Variants in KIAA0586 observed in about 807,000 individuals in gnomAD.
KIAA0586 encodes protein TALPID3.
KIAA0586 carries 144 observed loss-of-function variants against 169.8 expected under a neutral mutation model. The ratio of observed to expected loss-of-function variants is 0.85; its 90% CI spans 0.74 to 0.97. KIAA0586 has a LOEUF of 0.97. KIAA0586 is among the 50% of genes least tolerant of loss of function. The pLI, the probability that KIAA0586 is intolerant of heterozygous loss-of-function variation, is 0.00. For missense variants in KIAA0586, 1,854 were observed against 1,823.0 expected, an observed-to-expected ratio of 1.02 and a Z score of -0.31; for synonymous variants, 625 against 612.4, an observed-to-expected ratio of 1.02 and a Z score of -0.30.
chr14:58,479,103 A>G (rs974902912), intron 20 of KIAA0586, among the ~76,000 whole-genome samples: 5 of 152,206 alleles, frequency 3.3e-5, no homozygotes, highest in Admixed American at 2.6e-4. Context: ...ACTGCTAAAC[A>G]TTTCCAAAAG....
At chr14:58,482,848 C>A in intron 21 of KIAA0586, 136 bp downstream of exon 21, 1 of 629,910 alleles carries the variant, frequency 1.6e-6, no homozygotes, top group Non-Finnish European at 2.4e-6. Flanking sequence ...ATTGCCCTGG[C>A]TGGTCTTGAA....
downstream of KIAA0586, among the ~76,000 whole-genome samples, chr14:58,552,373 G>C (rs180822253): frequency 2.6e-5 from 4 of 152,058 alleles, no homozygotes; most frequent in Admixed American, 2.6e-4. Flanking sequence ...TTCTTGTCCT[G>C]AAGTGTTTAC....
At chr14:58,449,985 T>G (rs894589638) in intron 7 of KIAA0586, among the ~76,000 whole-genome samples, 1 of 152,184 alleles carries the variant, frequency 6.6e-6, no homozygotes, top group Admixed American at 6.5e-5. Context: ...TTTATACAAC[T>G]TTTTTACTAG....
chr14:58,463,509 T>C (rs545549426), intron 14 of KIAA0586, among the ~76,000 whole-genome samples: 322 of 152,278 alleles, frequency 2.1e-3, no homozygotes, highest in African/African-American at 7.1e-3. Context: ...CAATTTTTCT[T>C]CCTGGGGTCA....
intron 7 of KIAA0586, among the ~76,000 whole-genome samples, chr14:58,450,194 TTTATG>T (rs2039246094): frequency 6.6e-6 from 1 of 152,222 alleles, no homozygotes; most frequent in African/African-American, 2.4e-5. Context: ...TTTTCTTTCT[TTTATG>T]TTATTTCCTT....
At chr14:58,432,228 T>C (rs940093595) in intron 3 of KIAA0586, among the ~76,000 whole-genome samples, 160 bp from the exon 4 acceptor site, 4 of 152,220 alleles carry the variant, frequency 2.6e-5, no homozygotes, top group Non-Finnish European at 5.9e-5. Context: ...ATTATATTAT[T>C]ACTTAATCAC....
chr14:58,522,681 G>A (rs1277917684), intron 29 of KIAA0586, among the ~76,000 whole-genome samples: 1 of 152,146 alleles, frequency 6.6e-6, no homozygotes, highest in Non-Finnish European at 1.5e-5. Flanking sequence ...TAGTTGAGAA[G>A]AATAATTTCT....
intron 27 of KIAA0586, 91 bp downstream of exon 27, chr14:58,499,051 C>A: frequency 1.7e-6 from 2 of 1,149,672 alleles, no homozygotes; most frequent in Non-Finnish European, 2.4e-6. Context: ...TAGGGGCTTG[C>A]AAAATTTCTT....
chr14:58,520,021 A>T (rs2045079132), intron 29 of KIAA0586, among the ~76,000 whole-genome samples: 1 of 152,172 alleles, frequency 6.6e-6, no homozygotes, highest in South Asian at 2.1e-4. Context: ...GTATTAACAT[A>T]CATTTTTATT....
At chr14:58,520,018 C>A (rs1258181135) in intron 29 of KIAA0586, among the ~76,000 whole-genome samples, 1 of 152,100 alleles carries the variant, frequency 6.6e-6, no homozygotes, top group Non-Finnish European at 1.5e-5. Flanking sequence ...ATAGTATTAA[C>A]ATACATTTTT....
chr14:58,485,849 A>T (rs372993639), intron 21 of KIAA0586, among the ~76,000 whole-genome samples: 1 of 152,082 alleles, frequency 6.6e-6, no homozygotes, highest in Non-Finnish European at 1.5e-5. Context: ...GTGTGCAAAA[A>T]GGCTGATTTT....
chr14:58,466,023 C>A lies in KIAA0586; in HGVS notation c.2248C>A (p.Leu750Ile), dbSNP rs1164700569. The stretch of plus-strand genomic sequence containing the variant: ...AGGTCATCTGATTCCTATGGCAATT[C>A]TTTTAGGTAAGAATCAACAAAATAT... The part of the protein sequence containing the change: ...LEGHLIPMAI[L>I]LGQTQSNSDT... The change falls in exon 15 of 31, where the codon CTT (leucine) becomes ATT (isoleucine). Residue 750 changes from leucine (L) to isoleucine (I), a missense_variant. Transcript: ENST00000652326. 1.3e-6 allele frequency: 2 copies of A among 1,593,326 alleles called. No individual in the cohort carries two copies. Among genetic ancestry groups the A allele is most frequent in the Non-Finnish European group, 1.7e-6 (2 of 1,169,136 alleles).
chr14:58,526,381 T>C, intron 29 of KIAA0586, among the ~76,000 whole-genome samples: 1 of 152,172 alleles, frequency 6.6e-6, no homozygotes, highest in East Asian at 1.9e-4. Flanking sequence ...CAATCTTTGC[T>C]GTTTGGCAGA....
intron 9 of KIAA0586, among the ~76,000 whole-genome samples, chr14:58,454,852 T>C (rs2039689250): frequency 6.6e-6 from 1 of 152,170 alleles, no homozygotes; most frequent in Non-Finnish European, 1.5e-5. Flanking sequence ...TTTTGAACAA[T>C]AATTTTGCTA....
chr14:58,506,826 A>C (rs1566915384), intron 27 of KIAA0586, among the ~76,000 whole-genome samples: 1 of 152,130 alleles, frequency 6.6e-6, no homozygotes, highest in South Asian at 2.1e-4. Flanking sequence ...CTTTAAATGG[A>C]AAATATCTAT....
rs1365960369 is a variant in KIAA0586 at position 58,428,200 on chromosome 14, A to G, written c.-65A>G. On this transcript the variant is annotated 5_prime_UTR_variant, in exon 1 of 31. Transcript: ENST00000652326. The stretch of plus-strand genomic sequence containing the variant: ...CAAAGAGGTGAAAATTTTGTTCTGA[A>G]GTCTTAAGGAAACAGAGAAAGTTTT... 6.5e-7 allele frequency: 1 copy of G among 1,541,184 alleles called. No homozygotes were observed. Among genetic ancestry groups the G allele is most frequent in the African/African-American group, 1.4e-5 (1 of 72,136 alleles).
intron 27 of KIAA0586, 76 bp from the exon 28 acceptor site, chr14:58,508,471 GGTGGTTTT>G (rs1398698503): frequency 4.9e-6 from 5 of 1,030,308 alleles, no homozygotes; most frequent in African/African-American, 1.6e-5. Context: ...GAGAAATATT[GGTGGTTTT>G]AGTCAACTAC....
At chr14:58,543,377 CT>C (rs2046780241) in intron 30 of KIAA0586, among the ~76,000 whole-genome samples, 1 of 152,144 alleles carries the variant, frequency 6.6e-6, no homozygotes, top group Admixed American at 6.5e-5. Flanking sequence ...AGGTTAGACC[CT>C]TTGTTTTCTT....
chr14:58,560,082 C>T, the KIAA0586 span, among the ~76,000 whole-genome samples: 1 of 148,644 alleles, frequency 6.7e-6, no homozygotes, highest in African/African-American at 2.5e-5. Flanking sequence ...ACCTGGGAGG[C>T]GGAGGTTGCA....
Sources: gnomAD v4.1 joint callset for allele counts (sites outside exome capture counted in the v4.1 genomes callset) on GRCh38, gnomAD v4.1.1 for gene constraint, MANE v1.5 for transcripts, NCBI Gene and HGNC (gene_info 2026-07-23, HGNC 2026-07-21) for gene names.